ACO1: variants seen among roughly 807,000 people sequenced by gnomAD.
ACO1 encodes the protein cytoplasmic aconitate hydratase.
A neutral mutation model predicts 105.1 loss-of-function variants in ACO1; 78 were observed. The ratio of observed to expected loss-of-function variants is 0.74; its 90% CI spans 0.62 to 0.90. ACO1 has a LOEUF of 0.90. Among genes scored for constraint, ACO1 ranks in the 40% least tolerant of loss-of-function variants. The pLI is 0.00. For missense variants in ACO1, 965 were observed against 1,111.1 expected, an observed-to-expected ratio of 0.87 and a Z score of 1.87; for synonymous variants, 364 against 397.4, an observed-to-expected ratio of 0.92 and a Z score of 1.00.
At chr9:32,390,916 C>A (rs1473151404) in intron 1 of ACO1, among the ~76,000 whole-genome samples, 1 of 152,194 alleles carries the variant, frequency 6.6e-6, no homozygotes, top group African/African-American at 2.4e-5. Flanking sequence ...CTCCCCCCAC[C>A]AGGCGAAAGA....
At position 32,420,967 on chromosome 9, in the gene ACO1, G is replaced by T; in HGVS notation, c.910G>T (p.Gly304Ter). 6.2e-7 allele frequency: 1 copy of T among 1,614,132 alleles called. No individual in the cohort carries two copies. Among genetic ancestry groups the T allele is most frequent in the Non-Finnish European group, 8.5e-7 (1 of 1,180,018 alleles). Residue 304 changes from glycine (G) to a stop codon, truncating the protein, a stop_gained, in exon 8 of 21, where the codon GGA becomes TGA. Transcript: ENST00000309951. LOFTEE classifies it high-confidence loss of function. ...ATIANMCPEY[G>*]ATAAFFPVDE... ...GATTGCTAACATGTGTCCAGAGTAC[G>T]GAGCAACTGCTGCCTTTTTCCCAGT...
rs1025036856 is a variant in ACO1, at chr9:32,454,340, C to T, written c.*4229C>T. The stretch of plus-strand genomic sequence containing the variant: ...TATGGTTGGTCTGTTGTTTGAAATT[C>T]AAATAATAATGAATCCATTTTAAGG... On this transcript the variant is annotated 3_prime_UTR_variant, in exon 21 of 21. Transcript: ENST00000309951. 6.6e-6 allele frequency: 1 copy of T among 151,736 alleles called. No individual in the cohort carries two copies. Among genetic ancestry groups the T allele is most frequent in the Admixed American group, 6.6e-5 (1 of 15,226 alleles). 9.4% of individuals were successfully genotyped at this position (151,736 alleles called of 1,614,324 possible). A position where few individuals can be genotyped will look rare whatever the true frequency, so the allele number is the denominator to read the frequency against.
At chr9:32,422,465 CA>C (rs1175071657) in intron 8 of ACO1, among the ~76,000 whole-genome samples, 1 of 152,154 alleles carries the variant, frequency 6.6e-6, no homozygotes. Flanking sequence ...TCAGCTAAAA[CA>C]AATAGACAAA....
At chr9:32,412,129 G>C (rs1821753075) in intron 4 of ACO1, among the ~76,000 whole-genome samples, 2 of 152,136 alleles carry the variant, frequency 1.3e-5, no homozygotes, top group Admixed American at 1.3e-4. Context: ...CATTCTAAAT[G>C]TCCAACAAAA....
chr9:32,388,092 C>T (rs1156714618), intron 1 of ACO1, among the ~76,000 whole-genome samples: 1 of 152,212 alleles, frequency 6.6e-6, no homozygotes, highest in Non-Finnish European at 1.5e-5. Context: ...TTATTCCCAA[C>T]TCCCTCCCTG....
chr9:32,451,764 A>G lies in ACO1; in HGVS notation c.*1653A>G, dbSNP rs1196172046. 1 of 152,234 alleles carries G rather than the reference A, an allele frequency of 6.6e-6. No homozygotes were observed. Among genetic ancestry groups the G allele is most frequent in the Non-Finnish European group, 1.5e-5 (1 of 68,050 alleles). 9.4% of individuals were successfully genotyped at this position (152,234 alleles called of 1,614,324 possible). A position where few individuals can be genotyped will look rare whatever the true frequency, so the allele number is the denominator to read the frequency against. Reference sequence around the variant, plus strand: ...GATCTTATTTATATTCATTTAAAAAATAAATTACAAACAAACAGCCAGGCG... The same window carrying G: ...GATCTTATTTATATTCATTTAAAAAGTAAATTACAAACAAACAGCCAGGCG... On this transcript the variant is annotated 3_prime_UTR_variant, in exon 21 of 21. Transcript: ENST00000309951.
chr9:32,429,577 T>G (rs75178380), intron 13 of ACO1, 74 bp downstream of exon 13: 32,046 of 1,311,446 alleles, frequency 0.024, 466 homozygotes, highest in Middle Eastern at 0.06. Flanking sequence ...ATGCTGATAT[T>G]TTCAAGAAGG....
chr9:32,434,423 A>G (rs1465882237), intron 16 of ACO1, 136 bp from the exon 17 acceptor site: 9 of 993,592 alleles, frequency 9.1e-6, no homozygotes, highest in Non-Finnish European at 1.0e-5. Context: ...GATAAAAACT[A>G]GAACACTAGA....
intron 9 of ACO1, among the ~76,000 whole-genome samples, chr9:32,424,288 C>T (rs542672375): frequency 6.7e-4 from 102 of 152,342 alleles, no homozygotes; most frequent in African/African-American, 2.3e-3. Flanking sequence ...GCATCTGCAG[C>T]ACCCACCCTG....
In ACO1 at chr9:32,431,764, C is replaced by T. The variant is rs774091732; in HGVS notation, c.1772C>T (p.Pro591Leu). ...CAGGTATTTCTGAAAGATATCTGGCCGACTAGAGACGAGATCCAGGCAGTG... is the reference window on the plus strand; with the variant it reads ...CAGGTATTTCTGAAAGATATCTGGCTGACTAGAGACGAGATCCAGGCAGTG... ...GQQVFLKDIWPTRDEIQAVER... is the reference protein window; with the variant it reads ...GQQVFLKDIWLTRDEIQAVER... The change falls in exon 15 of 21, where the codon CCG becomes CTG. Residue 591 changes from proline (P) to leucine (L), a missense_variant. Physicochemically the swap from Pro to Leu is moderately conservative, Grantham distance 98 (BLOSUM62 -3). Transcript: ENST00000309951. 83 of 1,613,772 alleles carry T rather than the reference C, an allele frequency of 5.1e-5. No individual in the cohort carries two copies. Among genetic ancestry groups the T allele is most frequent in the Non-Finnish European group, 6.6e-5 (78 of 1,179,948 alleles).
chr9:32,418,920 T>C, intron 6 of ACO1, 118 bp from the exon 7 acceptor site: 6 of 1,243,778 alleles, frequency 4.8e-6, no homozygotes. Flanking sequence ...GAAACATGAC[T>C]CTGCACCAAT....
chr9:32,442,260 A>G (rs1262383583), intron 19 of ACO1, among the ~76,000 whole-genome samples: 1 of 151,946 alleles, frequency 6.6e-6, no homozygotes, highest in African/African-American at 2.4e-5. Context: ...TCAAAATTGT[A>G]AGAATCACTA....
At chr9:32,446,474 T>G (rs899527238) in intron 19 of ACO1, among the ~76,000 whole-genome samples, 1 of 152,202 alleles carries the variant, frequency 6.6e-6, no homozygotes, top group Non-Finnish European at 1.5e-5. Context: ...TTTGAGCCTA[T>G]GTGTGTCTTT....
At chr9:32,441,317 A>T (rs1822475390) in intron 19 of ACO1, among the ~76,000 whole-genome samples, 1 of 152,122 alleles carries the variant, frequency 6.6e-6, no homozygotes, top group Non-Finnish European at 1.5e-5. Context: ...GAGAAGAATC[A>T]TGCCACCCAG....
intron 19 of ACO1, among the ~76,000 whole-genome samples, chr9:32,447,625 A>AACATCACCTCC (rs1431292571): frequency 5.6e-4 from 85 of 152,192 alleles, no homozygotes; most frequent in African/African-American, 1.8e-3. Flanking sequence ...AGGAGTTGTG[A>AACATCACCTCC]TCCTTTGGAG....
chr9:32,408,268 G>A (rs148989604), intron 3 of ACO1, among the ~76,000 whole-genome samples: 26 of 152,268 alleles, frequency 1.7e-4, no homozygotes, highest in Admixed American at 1.5e-3. Flanking sequence ...GAACATAGCC[G>A]TTATTAAATT....
At chr9:32,441,415 C>T (rs1180837423) in intron 19 of ACO1, among the ~76,000 whole-genome samples, 1 of 152,128 alleles carries the variant, frequency 6.6e-6, no homozygotes, top group Non-Finnish European at 1.5e-5. Context: ...CTCGGAAACA[C>T]TAAGTTCATA....
At chr9:32,398,068 G>A (rs900250250) in intron 1 of ACO1, among the ~76,000 whole-genome samples, 1 of 152,102 alleles carries the variant, frequency 6.6e-6, no homozygotes, top group Non-Finnish European at 1.5e-5. Context: ...TCTGCTGCCT[G>A]GGTTTATTCC....
chr9:32,385,652 G>T (rs759133861), intron 1 of ACO1, among the ~76,000 whole-genome samples: 1 of 152,300 alleles, frequency 6.6e-6, no homozygotes, highest in Non-Finnish European at 1.5e-5. Context: ...GATGTCAAGC[G>T]TAATTGAAGA....
Sources: allele counts gnomAD v4.1 joint callset (sites outside exome capture counted in the v4.1 genomes callset), GRCh38; gene constraint gnomAD v4.1.1; transcripts MANE v1.5; gene names NCBI Gene and HGNC (gene_info 2026-07-23, HGNC 2026-07-21).